The following DNAH11 variants were observed in gnomAD, a reference collection of about 807,000 sequenced individuals.
DNAH11 encodes axonemal beta dynein heavy chain 11.
DNAH11 carries 442 observed loss-of-function variants against 526.0 expected under a neutral mutation model. That is an observed-to-expected ratio of 0.84 (90% CI 0.78 to 0.91). DNAH11 has a LOEUF of 0.91. Ranked by LOEUF, DNAH11 falls within the 40% of genes least tolerant of loss-of-function variation. DNAH11 has a pLI of 0.00. For synonymous variants in DNAH11, 2,461 were observed against 1,935.9 expected (o/e 1.27, Z -7.12); for missense variants, 6,989 against 5,448.7 (o/e 1.28, Z -8.90).
chr7:21,679,563 C>A (rs1166228245), intron 30 of DNAH11, among the ~76,000 whole-genome samples: 1 of 152,126 alleles, frequency 6.6e-6, no homozygotes, highest in Non-Finnish European at 1.5e-5. Flanking sequence ...AGGGCAAATG[C>A]TTATAAAGCT....
At chr7:21,671,621 G>C (rs1240429291) in intron 30 of DNAH11, among the ~76,000 whole-genome samples, 35 of 151,272 alleles carry the variant, frequency 2.3e-4, no homozygotes, top group Non-Finnish European at 7.4e-5. Context: ...TGACGTTATT[G>C]GTTTTCTCTA....
At chr7:21,788,661 C>T (rs889755055) in intron 60 of DNAH11, among the ~76,000 whole-genome samples, 2 of 152,140 alleles carry the variant, frequency 1.3e-5, no homozygotes, top group South Asian at 2.1e-4. Flanking sequence ...GGAACTTAGA[C>T]AAGAAAGTGA....
intron 56 of DNAH11, among the ~76,000 whole-genome samples, chr7:21,776,935 C>CGTGTGTGT (rs3061429): frequency 2.7e-5 from 4 of 149,688 alleles, no homozygotes; most frequent in African/African-American, 9.9e-5. Context: ...TTTATTTGTA[C>CGTGTGTGT]GTGTGTGTGT....
chr7:21,830,778 C>G (rs1790518538), intron 65 of DNAH11, among the ~76,000 whole-genome samples: 1 of 152,138 alleles, frequency 6.6e-6, no homozygotes. Flanking sequence ...ACCCCATGTC[C>G]TAGCCAATTA....
intron 25 of DNAH11, among the ~76,000 whole-genome samples, chr7:21,628,875 G>C (rs1300916901): frequency 1.3e-5 from 2 of 151,960 alleles, no homozygotes; most frequent in East Asian, 1.9e-4. Flanking sequence ...TTGATCTTCT[G>C]TATTTTTTCT....
Position 21,899,989 on chromosome 7 carries a change from A to C in DNAH11, c.13172A>C (p.Gln4391Pro). 1.2e-6 allele frequency: 2 copies of C among 1,613,922 alleles called. No homozygotes were observed. The highest frequency in any genetic ancestry group is 8.5e-7 in the Non-Finnish European group (1 of 1,179,852). The change falls in exon 81 of 82, where the codon CAG (glutamine) becomes CCG (proline). Residue 4391 changes from glutamine (Q) to proline (P), a missense_variant. Transcript: ENST00000409508. The stretch of plus-strand genomic sequence containing the variant: ...TGTTATATTTCCAAAGCAATCATGC[A>C]GACGATGGCTCGAAAAAATGAGTGG... ...NPQSFLTAIM[Q>P]TMARKNEWPL...
At chr7:21,735,413 G>T (rs1185354932) in intron 45 of DNAH11, among the ~76,000 whole-genome samples, 5 of 152,096 alleles carry the variant, frequency 3.3e-5, no homozygotes, top group Non-Finnish European at 7.4e-5. Flanking sequence ...TACTTTGATG[G>T]CATTATCCAA....
intron 75 of DNAH11, among the ~76,000 whole-genome samples, chr7:21,881,970 T>G (rs940659029): frequency 6.6e-6 from 1 of 152,240 alleles, no homozygotes; most frequent in African/African-American, 2.4e-5. Flanking sequence ...TTGAGCATAT[T>G]TTGACCATTC....
chr7:21,779,240 G>C (rs931367767), intron 57 of DNAH11, 136 bp downstream of exon 57: 6 of 1,071,162 alleles, frequency 5.6e-6, no homozygotes, highest in Non-Finnish European at 7.7e-6. Flanking sequence ...ACATGTAACA[G>C]CATTTCACAC....
chr7:21,632,467 T>C (rs1486216270), intron 25 of DNAH11, among the ~76,000 whole-genome samples: 2 of 152,150 alleles, frequency 1.3e-5, no homozygotes, highest in Admixed American at 6.5e-5. Context: ...TAAAACTGAA[T>C]TCCTGTAACA....
intron 54 of DNAH11, among the ~76,000 whole-genome samples, chr7:21,762,753 A>G (rs1369683254): frequency 1.3e-5 from 2 of 152,238 alleles, no homozygotes; most frequent in Admixed American, 6.5e-5. Flanking sequence ...GGAAGAATCA[A>G]CTTGAAATAA....
At position 21,612,554 on chromosome 7, in the gene DNAH11, C is replaced by CAA. The variant is rs34356379; in HGVS notation, c.3853-2539_3853-2538dup. ...TGGGCGACAGAGTGAGGCTCCGTCT[C>CAA]AAAAAAAAAAAAAAAAAAAAAAGAG... On this transcript the variant is annotated intron_variant, in intron 20 of 81. Coordinates refer to ENST00000409508, the MANE Select transcript of DNAH11 (RefSeq NM_001277115.2). Among the ~76,000 whole-genome samples, 482 of 80,302 alleles carry CAA rather than the reference C, an allele frequency of 6.0e-3. 4 individuals are homozygous for CAA. The highest frequency in any genetic ancestry group is 7.0e-3 in the African/African-American group (134 of 19,062). The allele number at this position is 80,302 out of a possible 152,430, so 52.7% of individuals were successfully genotyped here.
intron 63 of DNAH11, among the ~76,000 whole-genome samples, chr7:21,815,735 C>T (rs975339050): frequency 9.9e-5 from 15 of 152,150 alleles, no homozygotes; most frequent in African/African-American, 2.9e-4. Context: ...TGATGACTGG[C>T]GGAGTGAACA....
intron 30 of DNAH11, among the ~76,000 whole-genome samples, chr7:21,668,208 CAT>C (rs1396459042): frequency 6.6e-6 from 1 of 152,098 alleles, no homozygotes; most frequent in Non-Finnish European, 1.5e-5. Flanking sequence ...CATTTATATA[CAT>C]CTTATGAACA....
intron 28 of DNAH11, among the ~76,000 whole-genome samples, chr7:21,649,761 G>T (rs1787543859): frequency 6.6e-6 from 1 of 151,804 alleles, no homozygotes; most frequent in Non-Finnish European, 1.5e-5. Context: ...CACCTCCTGG[G>T]TTCAAGCAAT....
intron 66 of DNAH11, among the ~76,000 whole-genome samples, chr7:21,848,832 A>G (rs763586282): frequency 3.3e-5 from 5 of 152,094 alleles, no homozygotes; most frequent in Non-Finnish European, 5.9e-5. Flanking sequence ...AAATTTTTTT[A>G]GTGGTTACCT....
chr7:21,839,095 T>C (rs1782105986), intron 65 of DNAH11, among the ~76,000 whole-genome samples: 2 of 152,216 alleles, frequency 1.3e-5, no homozygotes, highest in South Asian at 4.1e-4. Flanking sequence ...TGACTAATGA[T>C]ATTAAGCATC....
At chr7:21,794,792 G>A (rs1055801264) in intron 61 of DNAH11, among the ~76,000 whole-genome samples, 4 of 152,032 alleles carry the variant, frequency 2.6e-5, no homozygotes, top group Admixed American at 1.3e-4. Context: ...TCTGGGTTAC[G>A]GTAAAAAGCA....
At chr7:21,803,529 T>C (rs1789093647) in intron 62 of DNAH11, among the ~76,000 whole-genome samples, 1 of 152,002 alleles carries the variant, frequency 6.6e-6, no homozygotes, top group Non-Finnish European at 1.5e-5. Flanking sequence ...GAAATGTCTC[T>C]GACAGACTCC....
Sources: allele counts gnomAD v4.1 joint callset (sites outside exome capture counted in the v4.1 genomes callset), GRCh38; gene constraint gnomAD v4.1.1; transcripts MANE v1.5; gene names NCBI Gene and HGNC (gene_info 2026-07-23, HGNC 2026-07-21).